The following GRIP1 variants were observed in gnomAD, a reference collection of about 807,000 sequenced individuals.
GRIP1 encodes glutamate receptor-interacting protein 1.
Under a neutral mutation model 129.9 loss-of-function variants are expected in GRIP1, and 45 were observed. The observed-to-expected ratio is 0.35, with a 90% CI of 0.27 to 0.44. The LOEUF is 0.44. GRIP1 is among the 20% of genes least tolerant of loss of function. The pLI is 1.00. For synonymous variants in GRIP1, 530 were observed against 520.8 expected, an observed-to-expected ratio of 1.02 and a Z score of -0.24; for missense variants, 1,196 against 1,396.8, an observed-to-expected ratio of 0.86 and a Z score of 2.29.
intron 1 of GRIP1, among the ~76,000 whole-genome samples, chr12:66,984,466 A>T (rs2042282131): frequency 6.6e-6 from 1 of 152,348 alleles, no homozygotes; most frequent in South Asian, 2.1e-4. Context: ...ATGCTGAAGT[A>T]TCTTACATTT....
intron 1 of GRIP1, among the ~76,000 whole-genome samples, chr12:66,949,586 G>C (rs1197646002): frequency 6.6e-6 from 1 of 152,038 alleles, no homozygotes. Flanking sequence ...AGAATGATTT[G>C]TCTTATTAAA....
chr12:66,952,014 A>G (rs912848314), intron 1 of GRIP1, among the ~76,000 whole-genome samples: 2 of 152,176 alleles, frequency 1.3e-5, no homozygotes, highest in Non-Finnish European at 2.9e-5. Flanking sequence ...TTAATAGCAT[A>G]TTGCAGGAAA....
At chr12:66,885,186 C>A (rs1277540105) in intron 1 of GRIP1, among the ~76,000 whole-genome samples, 2 of 152,120 alleles carry the variant, frequency 1.3e-5, no homozygotes, top group Admixed American at 1.3e-4. Context: ...ACTCATGATC[C>A]CTGTTCAACC....
At chr12:66,522,425 G>C (rs1162883860) in intron 5 of GRIP1, among the ~76,000 whole-genome samples, 2 of 152,178 alleles carry the variant, frequency 1.3e-5, no homozygotes, top group African/African-American at 4.8e-5. Context: ...AGGCAAACAG[G>C]GTTTGGAGCG....
In GRIP1 at chr12:66,571,449, C is replaced by T. The variant is rs1338305300; in HGVS notation, c.136+25398G>A. 9.2e-5 allele frequency among the ~76,000 whole-genome samples: 14 copies of T among 152,190 alleles called. No homozygotes were observed. The South Asian group carries it at 2.5e-3, about 27-fold the overall frequency. On this transcript the variant is annotated intron_variant, in intron 2 of 24. Coordinates refer to ENST00000359742, the MANE Select transcript of GRIP1 (RefSeq NM_001366722.1). Reference sequence around the variant, plus strand: ...TTTTCTCATATCTGAAATCTGGATACATACTTCCTGAAAATGTATTACTAC... The same window carrying T: ...TTTTCTCATATCTGAAATCTGGATATATACTTCCTGAAAATGTATTACTAC...
At position 66,597,532 on chromosome 12, in the gene GRIP1, GAAGGAACGATGGTTTGGC is replaced by G. The variant is rs2064102221; in HGVS notation, c.56-623_56-606del. On this transcript the variant is annotated intron_variant, in intron 1 of 24. Coordinates refer to ENST00000359742, the MANE Select transcript of GRIP1 (RefSeq NM_001366722.1). ...CCAGAGGAGCTAGGTTGAGAATAGG[GAAGGAACGATGGTTTGGC>G]AAAAGAAGACATATATTGCAATGAG... Among the ~76,000 whole-genome samples, 2 of 152,176 alleles carry G rather than the reference GAAGGAACGATGGTTTGGC, an allele frequency of 1.3e-5. 1 individual carries two copies. The highest frequency in any genetic ancestry group is 2.9e-5 in the Non-Finnish European group (2 of 68,030).
intron 1 of GRIP1, among the ~76,000 whole-genome samples, chr12:66,926,423 A>C (rs2041296949): frequency 6.6e-6 from 1 of 152,304 alleles, no homozygotes; most frequent in East Asian, 1.9e-4. Flanking sequence ...GTTCTCAATT[A>C]TCCTTAATTC....
chr12:66,729,642 C>T (rs572085180), intron 1 of GRIP1, among the ~76,000 whole-genome samples: 1 of 152,176 alleles, frequency 6.6e-6, no homozygotes, highest in Admixed American at 6.5e-5. Flanking sequence ...GGTGCGATCT[C>T]GGCTTACTTC....
chr12:66,827,203 C>T (rs2039428541), intron 1 of GRIP1, among the ~76,000 whole-genome samples: 1 of 152,064 alleles, frequency 6.6e-6, no homozygotes, highest in African/African-American at 2.4e-5. Context: ...TCAAGGCTGC[C>T]ATCGAGGGGC....
intron 1 of GRIP1, among the ~76,000 whole-genome samples, chr12:66,622,146 T>A (rs2065295513): frequency 6.6e-6 from 1 of 152,176 alleles, no homozygotes; most frequent in Non-Finnish European, 1.5e-5. Flanking sequence ...GCTTTTGGTG[T>A]CATATCCAAG....
At chr12:67,038,755 ACT>A (rs1178277888) in intron 1 of GRIP1, among the ~76,000 whole-genome samples, 1 of 152,142 alleles carries the variant, frequency 6.6e-6, no homozygotes, top group Non-Finnish European at 1.5e-5. Flanking sequence ...GCAAAGGCAG[ACT>A]CTATACAAAT....
In GRIP1 at chr12:66,939,178, A is replaced by T. The variant is rs12820762; in HGVS notation, c.58+129872T>A. On this transcript the variant is annotated intron_variant, in intron 1 of 1. Coordinates refer to the GRIP1 transcript ENST00000643019. Reference sequence around the variant, plus strand: ...TCTGAGAAGATGGGGTGGATGAATAAGTTGTCAGGTGTGATACAGTTAATT... The same window carrying T: ...TCTGAGAAGATGGGGTGGATGAATATGTTGTCAGGTGTGATACAGTTAATT... Among the ~76,000 whole-genome samples the T allele has an allele frequency of 7.2e-5, 11 of 151,872 alleles. 1 individual carries two copies. The South Asian group carries it at 2.3e-3, about 32-fold the overall frequency.
chr12:66,510,202 C>G (rs2060656553), intron 7 of GRIP1, among the ~76,000 whole-genome samples: 1 of 152,098 alleles, frequency 6.6e-6, no homozygotes, highest in African/African-American at 2.4e-5. Flanking sequence ...TAATTACTAC[C>G]ATTTTACACA....
intron 24 of GRIP1, 77 bp downstream of exon 24, chr12:66,353,340 A>G: frequency 9.7e-7 from 1 of 1,028,006 alleles, no homozygotes. Flanking sequence ...AAGGGCCCCA[A>G]ATATGCAGGA....
intron 1 of GRIP1, among the ~76,000 whole-genome samples, chr12:66,754,994 T>C (rs2037241419): frequency 6.6e-6 from 1 of 152,190 alleles, no homozygotes; most frequent in Non-Finnish European, 1.5e-5. Context: ...TTTCACATTT[T>C]CTAAAATGCC....
At chr12:67,043,639 T>C (rs2043211380) in intron 1 of GRIP1, among the ~76,000 whole-genome samples, 1 of 152,154 alleles carries the variant, frequency 6.6e-6, no homozygotes, top group African/African-American at 2.4e-5. Flanking sequence ...GGCATCATCA[T>C]CATCTTATTC....
chr12:66,998,817 T>G (rs1343533123), intron 1 of GRIP1, among the ~76,000 whole-genome samples: 14 of 152,136 alleles, frequency 9.2e-5, no homozygotes. Flanking sequence ...CATTATTTCC[T>G]CTCTTCCTGG....
At chr12:66,840,328 G>C (rs2039692220) in intron 1 of GRIP1, among the ~76,000 whole-genome samples, 1 of 152,168 alleles carries the variant, frequency 6.6e-6, no homozygotes, top group South Asian at 2.1e-4. Context: ...GAACAATAAT[G>C]AGCTATCAGT....
intron 2 of GRIP1, among the ~76,000 whole-genome samples, chr12:66,584,018 A>C (rs1422999606): frequency 6.9e-6 from 1 of 145,598 alleles, no homozygotes; most frequent in Non-Finnish European, 1.5e-5. Flanking sequence ...CAAATGTCCA[A>C]CAATGATAGA....
Sources: allele counts gnomAD v4.1 joint callset (sites outside exome capture counted in the v4.1 genomes callset), GRCh38; gene constraint gnomAD v4.1.1; transcripts MANE v1.5; gene names NCBI Gene and HGNC (gene_info 2026-07-23, HGNC 2026-07-21).